SOX5: variants seen among roughly 807,000 people sequenced by gnomAD.
SOX5 encodes SRY-box transcription factor 5.
A neutral mutation model predicts 92.0 loss-of-function variants in SOX5; 9 were observed. The ratio of observed to expected loss-of-function variants is 0.10; its 90% CI spans 0.06 to 0.17. The LOEUF is 0.17. Among genes scored for constraint, SOX5 ranks in the 10% least tolerant of loss-of-function variants. The probability of loss-of-function intolerance (pLI) is 1.00; values close to 1 mark genes in which losing one functional copy is unlikely to be tolerated. For missense variants in SOX5, 642 were observed against 944.5 expected, an observed-to-expected ratio of 0.68 and a Z score of 4.20; for synonymous variants, 344 against 336.3, an observed-to-expected ratio of 1.02 and a Z score of -0.25.
intron 3 of SOX5, among the ~76,000 whole-genome samples, chr12:23,767,064 G>A (rs1035577915): frequency 4.0e-5 from 6 of 151,890 alleles, no homozygotes; most frequent in East Asian, 1.9e-4. Flanking sequence ...AAAACTAGCC[G>A]GGCATGGTTG....
At chr12:24,404,114 G>A (rs981043016) in intron 1 of SOX5, among the ~76,000 whole-genome samples, 1 of 152,002 alleles carries the variant, frequency 6.6e-6, no homozygotes, top group Non-Finnish European at 1.5e-5. Flanking sequence ...TCCTTTTTTA[G>A]CTAAGCTATC....
chr12:23,893,561 A>G (rs1369875089), intron 2 of SOX5, among the ~76,000 whole-genome samples: 1 of 152,170 alleles, frequency 6.6e-6, no homozygotes, highest in Non-Finnish European at 1.5e-5. Flanking sequence ...CCCATCCTTC[A>G]GTATACTTAA....
rs1179020494 is a variant in SOX5, at chr12:24,134,757, C to T, written c.-2+78586G>A. The stretch of plus-strand genomic sequence containing the variant: ...CAGTGACGCAAGGCAAAGAAAGCTG[C>T]CCAAAGGAAAAGTAAAAATAAGTGT... On this transcript the variant is annotated intron_variant, in intron 4 of 4. Transcript: ENST00000446891. Among the ~76,000 whole-genome samples, 7 of 152,176 alleles carry T rather than the reference C, an allele frequency of 4.6e-5. No individual in the cohort carries two copies. In the East Asian group the frequency reaches 9.7e-4, roughly 21 times the overall value.
intron 4 of SOX5, among the ~76,000 whole-genome samples, chr12:24,032,700 T>C (rs2136881848): frequency 6.6e-6 from 1 of 151,966 alleles, no homozygotes; most frequent in East Asian, 1.9e-4. Flanking sequence ...CTAAACTCGG[T>C]GGGAAATATA....
chr12:24,500,057 C>T (rs1394529610), intron 1 of SOX5, among the ~76,000 whole-genome samples: 1 of 152,136 alleles, frequency 6.6e-6, no homozygotes, highest in Non-Finnish European at 1.5e-5. Flanking sequence ...GATGACAGGA[C>T]AGAAGTCAGA....
At chr12:24,464,192 T>C (rs1170043408) in intron 1 of SOX5, among the ~76,000 whole-genome samples, 1 of 152,190 alleles carries the variant, frequency 6.6e-6, no homozygotes, top group Non-Finnish European at 1.5e-5. Flanking sequence ...TATGTATGTT[T>C]ATATGATGTG....
At chr12:24,354,437 C>T (rs1474168224) in intron 2 of SOX5, among the ~76,000 whole-genome samples, 1 of 152,234 alleles carries the variant, frequency 6.6e-6, no homozygotes, top group Non-Finnish European at 1.5e-5. Flanking sequence ...GATTTAGGTC[C>T]TCAGCACAAT....
chr12:23,717,604 T>C (rs1335086004), intron 6 of SOX5, among the ~76,000 whole-genome samples: 1 of 152,114 alleles, frequency 6.6e-6, no homozygotes. Context: ...TATGTAAGAT[T>C]GTAAAAAGAG....
intron 2 of SOX5, among the ~76,000 whole-genome samples, chr12:24,322,898 C>A (rs1268094296): frequency 6.6e-6 from 1 of 152,054 alleles, no homozygotes; most frequent in African/African-American, 2.4e-5. Flanking sequence ...GTCATTATAA[C>A]CCCAAAGGTT....
chr12:23,800,783 A>G (rs570859107), intron 3 of SOX5, among the ~76,000 whole-genome samples: 93 of 152,290 alleles, frequency 6.1e-4, no homozygotes, highest in African/African-American at 2.2e-3. Flanking sequence ...GAAATAAACC[A>G]TTATTCTCAT....
At chr12:23,596,904 C>T (rs1371869035) in intron 9 of SOX5, among the ~76,000 whole-genome samples, 1 of 152,138 alleles carries the variant, frequency 6.6e-6, no homozygotes, top group Non-Finnish European at 1.5e-5. Context: ...CTGAACTATA[C>T]CCAGACATCC....
chr12:24,212,689 C>G (rs1958758400), intron 4 of SOX5, among the ~76,000 whole-genome samples: 1 of 152,218 alleles, frequency 6.6e-6, no homozygotes, highest in Non-Finnish European at 1.5e-5. Flanking sequence ...GTGGCTCTAG[C>G]TTACTGAGAA....
chr12:23,691,590 T>C (rs982836998), intron 6 of SOX5, among the ~76,000 whole-genome samples: 3 of 152,328 alleles, frequency 2.0e-5, no homozygotes, highest in African/African-American at 4.8e-5. Context: ...ACTTTTCTAA[T>C]TGAACAGTTT....
chr12:23,906,293 A>C (rs1466145021), intron 1 of SOX5, among the ~76,000 whole-genome samples: 2 of 152,236 alleles, frequency 1.3e-5, no homozygotes, highest in Non-Finnish European at 1.5e-5. Flanking sequence ...CTGTGATTCT[A>C]GAACTTTTTA....
chr12:24,015,579 T>A (rs1481728072), intron 4 of SOX5, among the ~76,000 whole-genome samples: 1 of 152,146 alleles, frequency 6.6e-6, no homozygotes, highest in East Asian at 1.9e-4. Flanking sequence ...ACAGGCCACA[T>A]AATGATCTCC....
In SOX5 at chr12:23,577,191, A is replaced by ATATTTTT. The variant is rs71059907; in HGVS notation, c.1165-1354_1165-1353insAAAAATA. Among the ~76,000 whole-genome samples, 82 of 61,390 alleles carry ATATTTTT rather than the reference A, an allele frequency of 1.3e-3. 3 individuals are homozygous for ATATTTTT. Among genetic ancestry groups the ATATTTTT allele is most frequent in the Admixed American group, 3.8e-3 (15 of 3,948 alleles). 40.3% of individuals were successfully genotyped at this position (61,390 alleles called of 152,430 possible). On this transcript the variant is annotated intron_variant, in intron 9 of 14. Transcript: ENST00000451604. Reference sequence around the variant, plus strand: ...CACACACACACATATATATATATATATTTTTTTTTTTTTTTTTTTTTGAGA... The same window carrying ATATTTTT: ...CACACACACACATATATATATATATATATTTTTTTTTTTTTTTTTTTTTTTTTTGAGA...
chr12:23,600,581 C>A (rs1267482146), intron 9 of SOX5, among the ~76,000 whole-genome samples: 6 of 97,938 alleles, frequency 6.1e-5, no homozygotes, highest in South Asian at 3.2e-4. Context: ...ACTAAAAAAA[C>A]CAAGGCATTG....
At chr12:23,778,184 T>TA (rs1232414826) in intron 3 of SOX5, among the ~76,000 whole-genome samples, 2 of 152,176 alleles carry the variant, frequency 1.3e-5, no homozygotes, top group African/African-American at 4.8e-5. Flanking sequence ...TTCTTGCAAA[T>TA]AAAAATTGAT....
chr12:24,457,122 C>G (rs906168922), intron 1 of SOX5, among the ~76,000 whole-genome samples: 3 of 152,110 alleles, frequency 2.0e-5, no homozygotes, highest in African/African-American at 7.2e-5. Flanking sequence ...TACAGTAACA[C>G]ATTCCAAATA....
Sources: allele counts gnomAD v4.1 joint callset (sites outside exome capture counted in the v4.1 genomes callset), GRCh38; gene constraint gnomAD v4.1.1; transcripts MANE v1.5; gene names NCBI Gene and HGNC (gene_info 2026-07-23, HGNC 2026-07-21).